AP1G1: variants seen among roughly 807,000 people sequenced by gnomAD.
AP1G1 encodes the protein adaptor related protein complex 1 subunit gamma 1.
In AP1G1, 7 loss-of-function variants were observed where a neutral mutation model predicts 108.3. The ratio of observed to expected loss-of-function variants is 0.06; its 90% CI spans 0.04 to 0.12. AP1G1 has a LOEUF of 0.12. Ranked by LOEUF, AP1G1 falls within the 10% of genes least tolerant of loss-of-function variation. AP1G1 has a pLI of 1.00. For missense variants in AP1G1, 756 were observed against 1,010.7 expected (o/e 0.75, Z 3.42); for synonymous variants, 379 against 353.5 (o/e 1.07, Z -0.81).
rs763979151 is a variant in AP1G1 at position 71,750,002 on chromosome 16, A to G, written c.1408-19T>C. 2 of 1,596,114 alleles carry G rather than the reference A, an allele frequency of 1.3e-6. No individual in the cohort carries two copies. The highest frequency in any genetic ancestry group is 1.7e-6 in the Non-Finnish European group (2 of 1,164,088). On this transcript the variant is annotated intron_variant, in intron 14 of 22. Transcript: ENST00000299980. The stretch of plus-strand genomic sequence containing the variant: ...AAGGTTGCTGTGAAAAGAAAAGTCA[A>G]CGTTTCTCAAGAACTTCAATTTTTC...
At chr16:71,748,170 C>T (rs1003043626) in intron 16 of AP1G1, 81 bp downstream of exon 16, 2 of 1,476,084 alleles carry the variant, frequency 1.4e-6, no homozygotes, top group Admixed American at 2.3e-5. Context: ...TGAAATTTTC[C>T]ATGATAACAA....
intron 7 of AP1G1, among the ~76,000 whole-genome samples, chr16:71,765,181 A>T (rs2031262097): frequency 6.6e-6 from 1 of 152,154 alleles, no homozygotes; most frequent in Non-Finnish European, 1.5e-5. Flanking sequence ...TCTCTACAAA[A>T]TATACAAAAT....
At position 71,738,951 on chromosome 16, in the gene AP1G1, T is replaced by C; in HGVS notation, c.2259A>G (p.Ala753=). The C allele has an allele frequency of 6.2e-7, 1 of 1,614,106 alleles. No individual in the cohort carries two copies. Among genetic ancestry groups the C allele is most frequent in the East Asian group, 2.2e-5 (1 of 44,874 alleles). ...GAAGACATTGTAGTACCTTTGGTACTGCAGCTTGGAAAACAAAGTCCGTCA... is the reference window on the plus strand; with the variant it reads ...GAAGACATTGTAGTACCTTTGGTACCGCAGCTTGGAAAACAAAGTCCGTCA... ...LDMTDFVFQA[A]VPKTFQLQLL... Residue 753 remains alanine (A), a synonymous_variant, in exon 21 of 23, where the codon GCA becomes GCG. Transcript: ENST00000299980.
At chr16:71,792,820 C>T (rs1396034500) in intron 1 of AP1G1, among the ~76,000 whole-genome samples, 1 of 151,858 alleles carries the variant, frequency 6.6e-6, no homozygotes, top group Middle Eastern at 3.4e-3. Context: ...CACCACTGCA[C>T]TCCAGCCAGG....
At chr16:71,747,689 CG>C (rs755892231) in intron 16 of AP1G1, among the ~76,000 whole-genome samples, 3 of 151,860 alleles carry the variant, frequency 2.0e-5, no homozygotes, top group African/African-American at 4.8e-5. Flanking sequence ...ATTCTAAAAA[CG>C]TAACTTTTAG....
At chr16:71,783,665 T>G (rs1033767643) in intron 2 of AP1G1, among the ~76,000 whole-genome samples, 1 of 152,126 alleles carries the variant, frequency 6.6e-6, no homozygotes, top group Non-Finnish European at 1.5e-5. Flanking sequence ...CACAGGTAAT[T>G]GGGTATGGCA....
chr16:71,767,273 C>CA, intron 6 of AP1G1, among the ~76,000 whole-genome samples: 1 of 152,278 alleles, frequency 6.6e-6, no homozygotes, highest in South Asian at 2.1e-4. Flanking sequence ...GACAAAAATG[C>CA]AAGTTATTAA....
At chr16:71,790,912 G>A (rs1219420161) in intron 1 of AP1G1, among the ~76,000 whole-genome samples, 1 of 151,968 alleles carries the variant, frequency 6.6e-6, no homozygotes, top group African/African-American at 2.4e-5. Context: ...CTCTCCAAAG[G>A]ACATCATTAT....
chr16:71,780,497 TAAAAAAA>T (rs537929533), intron 2 of AP1G1, among the ~76,000 whole-genome samples: 5 of 129,752 alleles, frequency 3.9e-5, no homozygotes, highest in Non-Finnish European at 8.1e-5. Flanking sequence ...TCTCTTAATT[TAAAAAAA>T]AAAAAAAAAA....
In AP1G1 at chr16:71,733,099, G is replaced by A. The variant is rs766353180; in HGVS notation, c.2428C>T (p.Leu810=). 12 of 1,614,030 alleles carry A rather than the reference G, an allele frequency of 7.4e-6. No homozygotes were observed. Among genetic ancestry groups the A allele is most frequent in the Middle Eastern group, 1.6e-4 (1 of 6,084 alleles). ...GGGGGAAAGTTGTTCACCTCTGCTA[G>A]ATCTTGCATTGCTGAGCCCTTGTGA... is the stretch of plus-strand genomic sequence containing the variant. ...YNHKGSAMQD[L]AEVNNFPPQS... is the part of the protein sequence containing the mutation. Residue 810 remains leucine (L), a synonymous_variant, in exon 23 of 23, where the codon CTA becomes TTA. Transcript: ENST00000299980.
At chr16:71,791,797 C>T (rs1440316622) in intron 1 of AP1G1, among the ~76,000 whole-genome samples, 2 of 133,132 alleles carry the variant, frequency 1.5e-5, no homozygotes, top group African/African-American at 2.9e-5. Context: ...GAGTTTCGCT[C>T]GTTGCCCAGG....
intron 13 of AP1G1, chr16:71,753,600 G>A (rs2030619709): frequency 5.9e-6 from 3 of 510,772 alleles, no homozygotes; most frequent in Non-Finnish European, 1.1e-5. Flanking sequence ...AGACCTCCCT[G>A]ACTAACTCTA....
chr16:71,786,470 T>G (rs2032205676), intron 2 of AP1G1, among the ~76,000 whole-genome samples: 1 of 152,022 alleles, frequency 6.6e-6, no homozygotes. Context: ...AACAAAAATT[T>G]TTTTTTTTTG....
intron 10 of AP1G1, among the ~76,000 whole-genome samples, chr16:71,760,773 T>A (rs1327509944): frequency 6.6e-6 from 1 of 152,086 alleles, no homozygotes; most frequent in Non-Finnish European, 1.5e-5. Flanking sequence ...GGTCTCGAAC[T>A]CCTGGGATCA....
chr16:71,755,953 T>A (rs1041240840), intron 12 of AP1G1, 66 bp downstream of exon 12: 2 of 1,536,368 alleles, frequency 1.3e-6, no homozygotes, highest in African/African-American at 1.4e-5. Context: ...CCCCTCCCCA[T>A]GTTTTAAAGA....
intron 16 of AP1G1, among the ~76,000 whole-genome samples, chr16:71,747,653 GA>G (rs958166802): frequency 3.6e-4 from 52 of 145,184 alleles, no homozygotes; most frequent in African/African-American, 1.1e-3. Context: ...AACTTAAAAA[GA>G]AAAAAAAAAG....
intron 1 of AP1G1, among the ~76,000 whole-genome samples, chr16:71,802,617 C>T (rs1567666633): frequency 1.3e-5 from 2 of 151,996 alleles, no homozygotes; most frequent in African/African-American, 4.8e-5. Flanking sequence ...GTAATTCTAG[C>T]TACTTGGGAG....
At chr16:71,803,449 C>T (rs1398063761) in intron 1 of AP1G1, among the ~76,000 whole-genome samples, 3 of 152,056 alleles carry the variant, frequency 2.0e-5, no homozygotes, top group Non-Finnish European at 4.4e-5. Flanking sequence ...ATCATCTCAT[C>T]CTAAACCTTG....
intron 2 of AP1G1, among the ~76,000 whole-genome samples, chr16:71,786,059 A>G (rs2032193283): frequency 6.6e-6 from 1 of 152,216 alleles, no homozygotes; most frequent in African/African-American, 2.4e-5. Context: ...AACAGAGGAA[A>G]CAGAATAAGA....
Sources: allele counts gnomAD v4.1 joint callset (sites outside exome capture counted in the v4.1 genomes callset), GRCh38; gene constraint gnomAD v4.1.1; transcripts MANE v1.5; gene names NCBI Gene and HGNC (gene_info 2026-07-23, HGNC 2026-07-21).